CLMP: variants seen among roughly 807,000 people sequenced by gnomAD.
CLMP encodes the protein CXADR like cell adhesion molecule.
A neutral mutation model predicts 45.2 loss-of-function variants in CLMP; 27 were observed. The ratio of observed to expected loss-of-function variants is 0.60; its 90% CI spans 0.44 to 0.82. The LOEUF (loss-of-function observed/expected upper bound fraction) is 0.82. CLMP is among the 40% of genes least tolerant of loss of function. The pLI, the probability that CLMP is intolerant of heterozygous loss-of-function variation, is 0.00. For missense variants in CLMP, 403 were observed against 448.4 expected (o/e 0.90, Z 0.91); for synonymous variants, 167 against 171.4 (o/e 0.97, Z 0.20).
intron 1 of CLMP, among the ~76,000 whole-genome samples, chr11:123,152,472 G>A (rs1422644832): frequency 4.6e-5 from 7 of 151,684 alleles, no homozygotes; most frequent in African/African-American, 7.3e-5. Flanking sequence ...GCAGTGAGCC[G>A]AGATCGTGCC....
In CLMP at chr11:123,104,052, A is replaced by G. The variant is rs565806922; in HGVS notation, c.29-6100T>C. On this transcript the variant is annotated intron_variant, in intron 1 of 6. Transcript: ENST00000448775. ...ACTGCGTTGGCCAAGCTGGTTTCAAACTCCTGACCTCAGGTGATCAGCCCG... is the reference window on the plus strand; with the variant it reads ...ACTGCGTTGGCCAAGCTGGTTTCAAGCTCCTGACCTCAGGTGATCAGCCCG... 4.3e-5 allele frequency among the ~76,000 whole-genome samples: 6 copies of G among 140,698 alleles called. No individual in the cohort carries two copies. The East Asian group carries it at 1.3e-3, about 30-fold the overall frequency. The allele number at this position is 140,698 out of a possible 152,430, so 92.3% of individuals were successfully genotyped here.
intron 5 of CLMP, among the ~76,000 whole-genome samples, chr11:123,078,718 C>T (rs1865768560): frequency 6.7e-6 from 1 of 149,634 alleles, no homozygotes. Flanking sequence ...GATCTCGGCT[C>T]ACTGCAAGCT....
At chr11:123,135,536 A>G (rs755647778) in intron 1 of CLMP, among the ~76,000 whole-genome samples, 2 of 152,162 alleles carry the variant, frequency 1.3e-5, no homozygotes, top group Admixed American at 6.6e-5. Context: ...TTGTATTTCC[A>G]CTGTAGTATT....
intron 1 of CLMP, among the ~76,000 whole-genome samples, chr11:123,150,833 C>A (rs989901692): frequency 5.3e-5 from 8 of 152,214 alleles, no homozygotes; most frequent in Admixed American, 2.0e-4. Context: ...TCTCATACCT[C>A]AGCCTCTCGA....
chr11:123,106,808 C>T (rs1235600794), intron 1 of CLMP, among the ~76,000 whole-genome samples: 2 of 151,994 alleles, frequency 1.3e-5, no homozygotes, highest in Non-Finnish European at 2.9e-5. Flanking sequence ...ATCACGAGGT[C>T]AGGAGATCGA....
intron 1 of CLMP, among the ~76,000 whole-genome samples, chr11:123,121,392 G>A (rs1478279691): frequency 2.0e-5 from 3 of 152,078 alleles, no homozygotes; most frequent in Non-Finnish European, 1.5e-5. Flanking sequence ...CCACCTCCCA[G>A]GTTCAAGCAA....
intron 2 of CLMP, among the ~76,000 whole-genome samples, chr11:123,096,555 A>G (rs955809947): frequency 3.3e-5 from 5 of 152,072 alleles, no homozygotes; most frequent in Non-Finnish European, 7.4e-5. Flanking sequence ...CAATAAACCT[A>G]CTCAGGTTAA....
intron 1 of CLMP, among the ~76,000 whole-genome samples, chr11:123,106,216 A>G (rs945987847): frequency 1.3e-5 from 2 of 151,798 alleles, no homozygotes; most frequent in African/African-American, 4.8e-5. Context: ...TTCTTCTTCC[A>G]GTGTGGCTCA....
At position 123,074,831 on chromosome 11, in the gene CLMP, A is replaced by G; in HGVS notation, c.692T>C (p.Ile231Thr). Reference protein sequence around the residue: ...VRVTVQYVQSIGMVAGAVTGI... With the variant: ...VRVTVQYVQSTGMVAGAVTGI... ...TGTCACTGCTCCTGCAACCATGCCG[A>G]TGCTTTGTACATCTATTTTCTCAGA... is the stretch of plus-strand genomic sequence containing the variant. Residue 231 changes from isoleucine (I) to threonine (T), a missense_variant, in exon 6 of 7, where the codon ATC (isoleucine) becomes ACC (threonine). By Grantham distance (89) the Ile-to-Thr change is moderately conservative. Coordinates refer to ENST00000448775, the MANE Select transcript of CLMP (RefSeq NM_024769.5). 6.2e-7 allele frequency: 1 copy of G among 1,613,788 alleles called. No individual in the cohort carries two copies. Among genetic ancestry groups the G allele is most frequent in the Non-Finnish European group, 8.5e-7 (1 of 1,179,944 alleles).
intron 1 of CLMP, among the ~76,000 whole-genome samples, chr11:123,178,974 TTG>T (rs1861733318): frequency 6.6e-6 from 1 of 152,152 alleles, no homozygotes; most frequent in South Asian, 2.1e-4. Flanking sequence ...TTTTTAGGGA[TTG>T]TGTCTCCCTA....
chr11:123,170,186 G>A (rs540598176), intron 1 of CLMP, among the ~76,000 whole-genome samples: 9 of 152,262 alleles, frequency 5.9e-5, no homozygotes, highest in African/African-American at 2.2e-4. Context: ...AAATATATTT[G>A]GGGTTAAAAT....
At chr11:123,169,547 G>A (rs1861602272) in intron 1 of CLMP, among the ~76,000 whole-genome samples, 1 of 152,166 alleles carries the variant, frequency 6.6e-6, no homozygotes, top group Non-Finnish European at 1.5e-5. Flanking sequence ...CTCTTAGATA[G>A]GGAGGTTTTT....
chr11:123,079,401 T>G (rs1865775711), intron 5 of CLMP, among the ~76,000 whole-genome samples: 1 of 152,158 alleles, frequency 6.6e-6, no homozygotes, highest in African/African-American at 2.4e-5. Context: ...TATTCATGTT[T>G]ATTCACCATT....
intron 1 of CLMP, among the ~76,000 whole-genome samples, chr11:123,151,223 TC>T (rs1221111247): frequency 1.3e-5 from 2 of 152,256 alleles, no homozygotes; most frequent in Non-Finnish European, 2.9e-5. Flanking sequence ...AGAAACCTAT[TC>T]TGTGGAACAA....
At chr11:123,106,552 T>C (rs966133748) in intron 1 of CLMP, among the ~76,000 whole-genome samples, 3 of 152,110 alleles carry the variant, frequency 2.0e-5, no homozygotes, top group Non-Finnish European at 4.4e-5. Context: ...ACTTGAGTAG[T>C]GGCTGTAAGA....
intron 2 of CLMP, among the ~76,000 whole-genome samples, chr11:123,088,167 C>T (rs540548724): frequency 6.6e-6 from 1 of 152,210 alleles, no homozygotes; most frequent in African/African-American, 2.4e-5. Context: ...GCCTCGGCCT[C>T]CCAAAGTGCT....
intron 1 of CLMP, chr11:123,136,029 G>A (rs1227432400): frequency 1.0e-5 from 6 of 584,008 alleles, no homozygotes; most frequent in Admixed American, 1.9e-5. Context: ...TTCCGGTGCT[G>A]CTTTGTTCGC....
rs188718626 is a variant in CLMP at position 123,144,136 on chromosome 11, G to C, written c.29-46184C>G. On this transcript the variant is annotated intron_variant, in intron 1 of 6. Coordinates refer to ENST00000448775, the MANE Select transcript of CLMP (RefSeq NM_024769.5). ...ACAGCCTTGTGAGATTCTAAGCAGA[G>C]GATCCTGCTGAGCCATAGCTGGAAC... Among the ~76,000 whole-genome samples, 356 of 143,124 alleles carry C rather than the reference G, an allele frequency of 2.5e-3. 1 individual carries two copies. The highest frequency in any genetic ancestry group is 3.8e-3 in the Non-Finnish European group (254 of 66,536). 93.9% of individuals were successfully genotyped at this position (143,124 alleles called of 152,430 possible).
chr11:123,130,166 G>T (rs1182056768), intron 1 of CLMP, among the ~76,000 whole-genome samples: 1 of 152,188 alleles, frequency 6.6e-6, no homozygotes, highest in Non-Finnish European at 1.5e-5. Context: ...GAAAATTAGT[G>T]TTGGGGCTGG....
Sources: gnomAD v4.1 joint callset for allele counts (sites outside exome capture counted in the v4.1 genomes callset) on GRCh38, gnomAD v4.1.1 for gene constraint, MANE v1.5 for transcripts, NCBI Gene and HGNC (gene_info 2026-07-23, HGNC 2026-07-21) for gene names.